R3HDM2: variants seen among roughly 807,000 people sequenced by gnomAD.
R3HDM2 encodes R3H domain-containing protein 2.
A neutral mutation model predicts 124.5 loss-of-function variants in R3HDM2; 38 were observed. The observed-to-expected ratio is 0.31, with a 90% confidence interval of 0.24 to 0.40. The LOEUF is 0.40. Ranked by LOEUF, R3HDM2 falls within the 10% of genes least tolerant of loss-of-function variation. R3HDM2 has a pLI of 1.00. For synonymous variants in R3HDM2, 391 were observed against 448.0 expected, an observed-to-expected ratio of 0.87 and a Z score of 1.61; for missense variants, 869 against 1,236.9, an observed-to-expected ratio of 0.70 and a Z score of 4.46.
intron 3 of R3HDM2, 49 bp from the exon 4 acceptor site, chr12:57,303,266 G>A: frequency 1.4e-6 from 2 of 1,432,640 alleles, no homozygotes; most frequent in Non-Finnish European, 1.9e-6. Context: ...AAATCGACAT[G>A]TAAGTTAAAA....
chr12:57,292,768 T>A (rs2138413934), intron 10 of R3HDM2, 101 bp from the exon 11 acceptor site: 2 of 745,280 alleles, frequency 2.7e-6, no homozygotes, highest in African/African-American at 1.8e-5. Context: ...ATAGTTGCCA[T>A]CAAAAAAATG....
At chr12:57,371,898 G>A (rs1025248055) in intron 2 of R3HDM2, among the ~76,000 whole-genome samples, 5 of 152,080 alleles carry the variant, frequency 3.3e-5, no homozygotes, top group African/African-American at 4.8e-5. Context: ...ACGGAGTTTC[G>A]CTCTTGTTGC....
chr12:57,429,799 C>CA (rs538979053), intron 1 of R3HDM2, among the ~76,000 whole-genome samples: 4 of 150,964 alleles, frequency 2.6e-5, no homozygotes, highest in East Asian at 1.9e-4. Context: ...GGAACAACAA[C>CA]AAAAAAAAGC....
chr12:57,355,949 T>A (rs563337795), intron 2 of R3HDM2, among the ~76,000 whole-genome samples: 1 of 152,340 alleles, frequency 6.6e-6, no homozygotes, highest in African/African-American at 2.4e-5. Flanking sequence ...GAATCCTTCC[T>A]AAATTTTTCT....
At chr12:57,362,083 G>T (rs1463737648) in intron 2 of R3HDM2, among the ~76,000 whole-genome samples, 1 of 152,162 alleles carries the variant, frequency 6.6e-6, no homozygotes, top group Non-Finnish European at 1.5e-5. Flanking sequence ...AATGAGCCAA[G>T]ATCGTGCCAC....
At chr12:57,285,703 G>T (rs1380310456) in intron 12 of R3HDM2, among the ~76,000 whole-genome samples, 1 of 152,136 alleles carries the variant, frequency 6.6e-6, no homozygotes, top group Non-Finnish European at 1.5e-5. Flanking sequence ...GTGTGTTTGT[G>T]GGGTAAGGGG....
In R3HDM2 at chr12:57,385,693, C is replaced by CAA. The variant is rs745872445; in HGVS notation, c.-36+10054_-36+10055dup. Among the ~76,000 whole-genome samples the CAA allele has an allele frequency of 1.5e-3, 175 of 120,346 alleles. 1 individual carries two copies. Among genetic ancestry groups the CAA allele is most frequent in the African/African-American group, 5.0e-3 (160 of 32,088 alleles). The allele number at this position is 120,346 out of a possible 152,430, so 79.0% of individuals were successfully genotyped here. On this transcript the variant is annotated intron_variant, in intron 2 of 23. Coordinates refer to ENST00000402412, the MANE Select transcript of R3HDM2 (RefSeq NM_001394031.1). ...GGGCAACACAGCAGGACCCCGTCTT[C>CAA]AAAAAAAAAAAAAGACTTAGTAACA...
intron 2 of R3HDM2, among the ~76,000 whole-genome samples, chr12:57,374,876 G>A (rs1231825448): frequency 6.9e-6 from 1 of 144,344 alleles, no homozygotes; most frequent in East Asian, 2.1e-4. Context: ...GGCGCCTGTA[G>A]TCCCAGCTAC....
At chr12:57,270,599 T>C (rs1403460454) in intron 14 of R3HDM2, among the ~76,000 whole-genome samples, 1 of 151,782 alleles carries the variant, frequency 6.6e-6, no homozygotes, top group African/African-American at 2.4e-5. Context: ...CCAGCTAATT[T>C]TTTTTGTATT....
chr12:57,420,509 T>C (rs1021208936), intron 1 of R3HDM2, among the ~76,000 whole-genome samples: 4 of 151,462 alleles, frequency 2.6e-5, no homozygotes, highest in South Asian at 2.1e-4. Context: ...ACACACACTT[T>C]ACTGGTTTTC....
In R3HDM2 at chr12:57,394,603, A is replaced by C. The variant is rs577155996; in HGVS notation, c.-36+1146T>G. 2.6e-5 allele frequency among the ~76,000 whole-genome samples: 4 copies of C among 152,318 alleles called. No individual in the cohort carries two copies. The East Asian group carries it at 7.7e-4, about 29-fold the overall frequency. ...CTTCAATAAAGGTCTTTTTTTAAAA[A>C]GACAGAGAAAGAAAAATAGGACAAA... On this transcript the variant is annotated intron_variant, in intron 2 of 23. Coordinates refer to ENST00000402412, the MANE Select transcript of R3HDM2 (RefSeq NM_001394031.1).
chr12:57,378,164 A>G (rs1425431591), intron 2 of R3HDM2, among the ~76,000 whole-genome samples: 2 of 152,166 alleles, frequency 1.3e-5, no homozygotes, highest in African/African-American at 2.4e-5. Context: ...TTTCAAAGTA[A>G]TTTTGCAGGG....
intron 19 of R3HDM2, among the ~76,000 whole-genome samples, chr12:57,261,091 G>A (rs547241520): frequency 8.5e-5 from 13 of 152,292 alleles, no homozygotes; most frequent in Admixed American, 7.2e-4. Context: ...AAACTGCACA[G>A]TTGTGGAGTG....
At chr12:57,276,873 C>T (rs999150706) in intron 14 of R3HDM2, among the ~76,000 whole-genome samples, 3 of 149,844 alleles carry the variant, frequency 2.0e-5, no homozygotes, top group South Asian at 2.1e-4. Context: ...GGTGACAGAG[C>T]GAGACTCCAT....
At chr12:57,257,002 T>G (rs1480622766) in intron 21 of R3HDM2, among the ~76,000 whole-genome samples, 3 of 152,036 alleles carry the variant, frequency 2.0e-5, no homozygotes, top group Non-Finnish European at 4.4e-5. Context: ...GTATTTTTAG[T>G]AGAGATGGGG....
intron 2 of R3HDM2, among the ~76,000 whole-genome samples, chr12:57,340,804 T>G (rs1053048004): frequency 1.3e-5 from 2 of 152,056 alleles, no homozygotes; most frequent in Admixed American, 1.3e-4. Flanking sequence ...TCTAGTTTAC[T>G]GAGTTTTTCA....
rs571687080 is a variant in R3HDM2, at chr12:57,426,089, G to A, written c.-106+4631C>T. ...CTAAAAATACAAAAATTATCCAGGC[G>A]TGGTAGCCGATGCCTGTAATCCCAG... On this transcript the variant is annotated intron_variant, in intron 1 of 23. Coordinates refer to ENST00000402412, the MANE Select transcript of R3HDM2 (RefSeq NM_001394031.1). Among the ~76,000 whole-genome samples the A allele has an allele frequency of 1.5e-3, 226 of 152,216 alleles. 1 individual carries two copies. The highest frequency in any genetic ancestry group is 5.0e-3 in the African/African-American group (206 of 41,528).
chr12:57,310,519 C>T, intron 2 of R3HDM2, 56 bp from the exon 3 acceptor site: 1 of 959,494 alleles, frequency 1.0e-6, no homozygotes, highest in Non-Finnish European at 1.4e-6. Context: ...TTAACAAATA[C>T]ACAAGACTCG....
At chr12:57,425,207 A>T (rs1192465954) in intron 1 of R3HDM2, among the ~76,000 whole-genome samples, 2 of 151,844 alleles carry the variant, frequency 1.3e-5, no homozygotes, top group African/African-American at 4.8e-5. Context: ...AGGAGGTGGA[A>T]GTTGCGGTGA....
Sources: gnomAD v4.1 joint callset for allele counts (sites outside exome capture counted in the v4.1 genomes callset) on GRCh38, gnomAD v4.1.1 for gene constraint, MANE v1.5 for transcripts, NCBI Gene and HGNC (gene_info 2026-07-23, HGNC 2026-07-21) for gene names.